The following MYO1E variants were observed in gnomAD, a reference collection of about 807,000 sequenced individuals.
MYO1E encodes myosin IE.
Under a neutral mutation model 151.1 loss-of-function variants are expected in MYO1E, and 68 were observed. The ratio of observed to expected loss-of-function variants is 0.45; its 90% CI spans 0.37 to 0.55. The LOEUF (loss-of-function observed/expected upper bound fraction) is 0.55. Among genes scored for constraint, MYO1E ranks in the 20% least tolerant of loss-of-function variants. The pLI is 0.00. For synonymous variants in MYO1E, 601 were observed against 501.7 expected (o/e 1.20, Z -2.64); for missense variants, 1,363 against 1,389.3 (o/e 0.98, Z 0.30).
At chr15:59,239,231 TTA>T (rs201734128) in intron 4 of MYO1E, among the ~76,000 whole-genome samples, 2 of 83,046 alleles carry the variant, frequency 2.4e-5, no homozygotes, top group Non-Finnish European at 3.4e-5. Context: ...TATATTTTTT[TTA>T]TTTTTTAAAA....
chr15:59,144,265 C>T (rs1370730768), intron 26 of MYO1E, among the ~76,000 whole-genome samples: 2 of 152,104 alleles, frequency 1.3e-5, no homozygotes, highest in South Asian at 2.1e-4. Flanking sequence ...CTCCCAGGTT[C>T]AAGCAATTCT....
At chr15:59,209,597 AC>A (rs1354252151) in intron 13 of MYO1E, among the ~76,000 whole-genome samples, 1 of 151,634 alleles carries the variant, frequency 6.6e-6, no homozygotes, top group East Asian at 1.9e-4. Flanking sequence ...AATCGCTTGA[AC>A]CCGGGAGGTG....
intron 16 of MYO1E, among the ~76,000 whole-genome samples, chr15:59,196,842 T>C (rs1435860316): frequency 6.6e-6 from 1 of 152,176 alleles, no homozygotes; most frequent in East Asian, 1.9e-4. Context: ...GAGAACAAAT[T>C]TGATGATTTT....
chr15:59,220,580 G>GA (rs2079948389), intron 9 of MYO1E, among the ~76,000 whole-genome samples: 2 of 152,118 alleles, frequency 1.3e-5, no homozygotes, highest in Non-Finnish European at 2.9e-5. Flanking sequence ...AAGAGCAAGA[G>GA]AAAGTCTGCT....
chr15:59,318,858 C>A (rs909350223), intron 1 of MYO1E, among the ~76,000 whole-genome samples: 3 of 152,052 alleles, frequency 2.0e-5, no homozygotes, highest in Non-Finnish European at 4.4e-5. Context: ...GAGTAAATTG[C>A]AAAGCTGGAC....
intron 5 of MYO1E, among the ~76,000 whole-genome samples, chr15:59,235,023 C>T (rs572767199): frequency 1.3e-3 from 202 of 152,172 alleles, no homozygotes; most frequent in Non-Finnish European, 5.0e-4. Context: ...CTCGCCATCA[C>T]CCTCATCCAT....
chr15:59,343,924 C>A (rs185529763), intron 1 of MYO1E, among the ~76,000 whole-genome samples: 1 of 152,210 alleles, frequency 6.6e-6, no homozygotes, highest in Admixed American at 6.5e-5. Context: ...CTCTGTGTTA[C>A]CTTGAATTTG....
rs762407581 is a variant in MYO1E, at chr15:59,172,004, C to T, written c.2373G>A (p.Leu791=). ...TGACTTTTTCTCGTCCGATTAAGTA[C>T]AAGCACTTTGGGGTAAGGAGCAGGT... ...KRDLLLTPKC[L]YLIGREKVKQ... is the part of the protein sequence containing the mutation. The change falls in exon 22 of 28, where the codon TTG becomes TTA. Residue 791 remains leucine (L), a synonymous_variant. Coordinates refer to ENST00000288235, the MANE Select transcript of MYO1E (RefSeq NM_004998.4). The T allele has an allele frequency of 1.2e-6, 2 of 1,614,170 alleles. No individual in the cohort carries two copies. The highest frequency in any genetic ancestry group is 2.7e-5 in the African/African-American group (2 of 75,036).
intron 22 of MYO1E, among the ~76,000 whole-genome samples, chr15:59,167,026 T>A (rs868225622): frequency 5.3e-5 from 8 of 152,190 alleles, no homozygotes; most frequent in African/African-American, 1.9e-4. Flanking sequence ...AGGTGCTCAA[T>A]CCCATGATGT....
rs1474109514 is a variant in MYO1E at position 59,149,049 on chromosome 15, T to TG, written c.3080+4540_3080+4541insC. On this transcript the variant is annotated intron_variant, in intron 26 of 27. Transcript: ENST00000288235. ...TGGGTGGATGAACTGTTTTTTTTTT[T>TG]TTGTTTTTTTTTTTTTTTTTTTTTT... Among the ~76,000 whole-genome samples the TG allele has an allele frequency of 6.0e-3, 338 of 55,928 alleles. 1 individual carries two copies. Among genetic ancestry groups the TG allele is most frequent in the African/African-American group, 0.019 (320 of 16,932 alleles). 36.7% of individuals were successfully genotyped at this position (55,928 alleles called of 152,430 possible).
intron 16 of MYO1E, among the ~76,000 whole-genome samples, chr15:59,195,914 CTA>C (rs1422512948): frequency 1.3e-5 from 2 of 152,282 alleles, no homozygotes; most frequent in East Asian, 3.9e-4. Flanking sequence ...AGTTAACAAA[CTA>C]AGTTCATTTT....
intron 1 of MYO1E, among the ~76,000 whole-genome samples, chr15:59,296,736 T>C (rs1204500350): frequency 5.9e-5 from 9 of 152,156 alleles, no homozygotes; most frequent in African/African-American, 1.4e-4. Flanking sequence ...CTGTTTGTTT[T>C]GTGTTTGAGT....
At chr15:59,200,472 C>T (rs554126363) in intron 16 of MYO1E, among the ~76,000 whole-genome samples, 13 of 151,954 alleles carry the variant, frequency 8.6e-5, no homozygotes, top group Middle Eastern at 3.4e-3. Flanking sequence ...ATGTTCTTGA[C>T]GCTCAGAGGG....
At chr15:59,363,575 A>G (rs1417117025) in intron 1 of MYO1E, among the ~76,000 whole-genome samples, 1 of 152,212 alleles carries the variant, frequency 6.6e-6, no homozygotes, top group Non-Finnish European at 1.5e-5. Context: ...AAGAGCATGG[A>G]CTTAGCAGAT....
chr15:59,153,085 G>A (rs541671056), intron 26 of MYO1E, among the ~76,000 whole-genome samples: 6 of 152,232 alleles, frequency 3.9e-5, no homozygotes, highest in Non-Finnish European at 8.8e-5. Context: ...AAAAAGGCTG[G>A]GTTCTCTTCA....
At chr15:59,253,979 AC>A (rs2080180297) in intron 4 of MYO1E, among the ~76,000 whole-genome samples, 1 of 151,416 alleles carries the variant, frequency 6.6e-6, no homozygotes, top group Non-Finnish European at 1.5e-5. Flanking sequence ...CACCTAAGAG[AC>A]ACAGCAACCA....
chr15:59,196,985 A>ATT (rs1566976061), intron 16 of MYO1E, among the ~76,000 whole-genome samples: 4 of 34,264 alleles, frequency 1.2e-4, no homozygotes, highest in African/African-American at 1.3e-4. Context: ...TTTAATTACG[A>ATT]CTTTTTTTTT....
At chr15:59,310,694 T>C (rs1352886005) in intron 1 of MYO1E, among the ~76,000 whole-genome samples, 3 of 152,130 alleles carry the variant, frequency 2.0e-5, no homozygotes, top group African/African-American at 4.8e-5. Flanking sequence ...TCATAGCAAT[T>C]TGTTAAGGCA....
rs757880374 is a variant in MYO1E, at chr15:59,137,433, G to A, written c.3274C>T (p.Arg1092Ter). The change falls in exon 28 of 28, where the codon CGA becomes TGA. Residue 1092 changes from arginine (R) to a stop codon, truncating the protein, a stop_gained. Transcript: ENST00000288235. LOFTEE classifies it high-confidence loss of function. ...KEDPSGWWTG[R>*]LRGKQGLFPN... Reference sequence around the variant, plus strand: ...AACAGGCCCTGCTTGCCTCGTAGTCGACCCGTCCACCAGCCAGAAGGATCT... The same window carrying A: ...AACAGGCCCTGCTTGCCTCGTAGTCAACCCGTCCACCAGCCAGAAGGATCT... The A allele has an allele frequency of 6.2e-7, 1 of 1,614,096 alleles. No homozygotes were observed.
Sources: allele counts gnomAD v4.1 joint callset (sites outside exome capture counted in the v4.1 genomes callset), GRCh38; gene constraint gnomAD v4.1.1; transcripts MANE v1.5; gene names NCBI Gene and HGNC (gene_info 2026-07-23, HGNC 2026-07-21).